The following PHACTR2 variants were observed in gnomAD, a reference collection of about 807,000 sequenced individuals.
PHACTR2 encodes phosphatase and actin regulator 2.
In PHACTR2, 30 loss-of-function variants were observed where a neutral mutation model predicts 76.0. The observed-to-expected ratio is 0.39, with a 90% CI of 0.30 to 0.54. The LOEUF (loss-of-function observed/expected upper bound fraction) is 0.54. Ranked by LOEUF, PHACTR2 falls within the 20% of genes least tolerant of loss-of-function variation. The probability of loss-of-function intolerance (pLI) is 0.61; values close to 1 mark genes in which losing one functional copy is unlikely to be tolerated. For missense variants in PHACTR2, 696 were observed against 781.1 expected (o/e 0.89, Z 1.30); for synonymous variants, 292 against 292.5 (o/e 1.00, Z 0.02).
intron 2 of PHACTR2, among the ~76,000 whole-genome samples, chr6:143,718,453 C>G (rs1160517938): frequency 6.6e-6 from 1 of 152,208 alleles, no homozygotes; most frequent in Non-Finnish European, 1.5e-5. Context: ...CCAGTACTTT[C>G]GACCATTCAC....
chr6:143,737,469 TTA>T (rs1778847539), intron 2 of PHACTR2, among the ~76,000 whole-genome samples: 1 of 152,006 alleles, frequency 6.6e-6, no homozygotes, highest in Admixed American at 6.6e-5. Context: ...AAATATTCTA[TTA>T]TATATAGTAT....
At chr6:143,690,721 T>C (rs529334921) in intron 1 of PHACTR2, among the ~76,000 whole-genome samples, 3 of 152,314 alleles carry the variant, frequency 2.0e-5, no homozygotes, top group Admixed American at 1.3e-4. Context: ...TCACACAAGA[T>C]CTCAACTTTG....
intron 1 of PHACTR2, among the ~76,000 whole-genome samples, chr6:143,643,193 T>A (rs1776597200): frequency 6.6e-6 from 1 of 152,322 alleles, no homozygotes; most frequent in South Asian, 2.1e-4. Context: ...AATGGGTCTT[T>A]TTTTTGCAAA....
intron 2 of PHACTR2, among the ~76,000 whole-genome samples, chr6:143,725,194 CTGTCTT>C (rs1778534197): frequency 7.5e-6 from 1 of 132,646 alleles, no homozygotes; most frequent in Non-Finnish European, 1.6e-5. Flanking sequence ...CTCCTTTGTG[CTGTCTT>C]TTTTTTTTTT....
At position 143,755,590 on chromosome 6, in the gene PHACTR2, A is replaced by G. The variant is rs1208636756; in HGVS notation, c.454+1678A>G. 3.3e-6 allele frequency: 1 copy of G among 302,040 alleles called. No individual in the cohort carries two copies. The highest frequency in any genetic ancestry group is 6.6e-6 in the Non-Finnish European group (1 of 152,452). The allele number at this position is 302,040 out of a possible 1,614,324, so 18.7% of individuals were successfully genotyped here. On this transcript the variant is annotated intron_variant, in intron 4 of 12. Coordinates refer to ENST00000440869, the MANE Select transcript of PHACTR2 (RefSeq NM_001100164.2). The surrounding 1 kb of genome is among the most constrained non-coding windows in gnomAD (Gnocchi z 5.2). ...GAGATGTTTTTCTTTGCTTAGAATTAGTACATTCAATTCTTCCTTATCTGA... is the reference window on the plus strand; with the variant it reads ...GAGATGTTTTTCTTTGCTTAGAATTGGTACATTCAATTCTTCCTTATCTGA...
At chr6:143,752,379 A>G (rs1056327930) in intron 3 of PHACTR2, among the ~76,000 whole-genome samples, 3 of 151,916 alleles carry the variant, frequency 2.0e-5, no homozygotes, top group Admixed American at 6.6e-5. Flanking sequence ...TCCTTTTTAT[A>G]GCTAATTTCT....
chr6:143,640,383 G>A (rs1048869244), intron 1 of PHACTR2, among the ~76,000 whole-genome samples: 2 of 152,250 alleles, frequency 1.3e-5, no homozygotes, highest in African/African-American at 4.8e-5. Flanking sequence ...AGTTAACCAG[G>A]TCACTCAGTC....
chr6:143,557,697 C>T lies in PHACTR2; in HGVS notation c.217+20490C>T, dbSNP rs971726734. 2.0e-5 allele frequency: 3 copies of T among 152,226 alleles called. No homozygotes were observed. Among genetic ancestry groups the T allele is most frequent in the Non-Finnish European group, 4.4e-5 (3 of 68,064 alleles). 9.4% of individuals were successfully genotyped at this position (152,226 alleles called of 1,614,324 possible). A position where few individuals can be genotyped will look rare whatever the true frequency, so the allele number is the denominator to read the frequency against. On this transcript the variant is annotated intron_variant, in intron 1 of 11. Coordinates refer to the PHACTR2 transcript ENST00000367584. This position sits in a 1 kb window ranked among gnomAD's most constrained non-coding sequence, Gnocchi z 5.5. ...GTCTTGTCGCGAGTCCTAGAGGCAA[C>T]CAGTTCCTTGCGTACCCCACCCTCC...
In PHACTR2 at chr6:143,544,410, C is replaced by T. The variant is rs76869727; in HGVS notation, c.217+7203C>T. 3.6e-3 allele frequency among the ~76,000 whole-genome samples: 543 copies of T among 152,294 alleles called. 3 individuals carry two copies. Among genetic ancestry groups the T allele is most frequent in the Middle Eastern group, 0.02 (6 of 294 alleles). ...GTATCACACCTTTCTCCCCCATACA[C>T]AGAATCTGGTTATTATCTGTGTAAT... On this transcript the variant is annotated intron_variant, in intron 1 of 11. Transcript: ENST00000367584.
chr6:143,688,438 C>A lies in PHACTR2; in HGVS notation c.46+10229C>A, dbSNP rs1386423309. Among the ~76,000 whole-genome samples the A allele has an allele frequency of 6.6e-6, 1 of 152,180 alleles. No homozygotes were observed. The highest frequency in any genetic ancestry group is 1.5e-5 in the Non-Finnish European group (1 of 68,040). On this transcript the variant is annotated intron_variant, in intron 1 of 12. Coordinates refer to ENST00000440869, the MANE Select transcript of PHACTR2 (RefSeq NM_001100164.2). The surrounding 1 kb of genome is among the most constrained non-coding windows in gnomAD (Gnocchi z 5.2). ...GCAACTCTGACCTTTCTCTGCACTG[C>A]AGGCTCAAATGTGCAACTCCCTATT... is the stretch of plus-strand genomic sequence containing the variant.
intron 12 of PHACTR2, among the ~76,000 whole-genome samples, chr6:143,814,844 C>T (rs1425514375): frequency 3.3e-5 from 5 of 152,158 alleles, no homozygotes; most frequent in African/African-American, 1.2e-4. Context: ...CCTCGTGATC[C>T]GCCCGCCTCG....
Position 143,551,698 on chromosome 6 carries a change from C to T in PHACTR2, c.217+14491C>T, listed in dbSNP as rs569112810. On this transcript the variant is annotated intron_variant, in intron 1 of 11. Transcript: ENST00000367584. ...CACCTTAGTATCAGAGTGTCGGTGG[C>T]GGCAATGATAATTATGAAGATGTTG... Among the ~76,000 whole-genome samples the T allele has an allele frequency of 3.3e-5, 5 of 151,906 alleles. No homozygotes were observed. In the South Asian group the frequency reaches 1.0e-3, roughly 32 times the overall value.
chr6:143,734,399 C>T (rs572843356), intron 2 of PHACTR2, among the ~76,000 whole-genome samples: 3 of 152,104 alleles, frequency 2.0e-5, no homozygotes, highest in Non-Finnish European at 2.9e-5. Context: ...TAATCCAAGC[C>T]GAGCTCTGGA....
At chr6:143,673,255 A>T (rs1777187884), upstream of PHACTR2, among the ~76,000 whole-genome samples, 1 of 152,214 alleles carries the variant, frequency 6.6e-6, no homozygotes, top group Non-Finnish European at 1.5e-5. Context: ...TTACAGTCAC[A>T]GACAGACTCG....
At chr6:143,650,988 A>T (rs1039720514) in intron 1 of PHACTR2, among the ~76,000 whole-genome samples, 2 of 151,476 alleles carry the variant, frequency 1.3e-5, no homozygotes, top group Non-Finnish European at 3.0e-5. Context: ...AAACAAATTT[A>T]CCAAAAAAAA....
chr6:143,819,054 T>G lies in PHACTR2; in HGVS notation c.1923-4620T>G, dbSNP rs1776360365. Among the ~76,000 whole-genome samples, 2 of 152,222 alleles carry G rather than the reference T, an allele frequency of 1.3e-5. No homozygotes were observed. Among genetic ancestry groups the G allele is most frequent in the Admixed American group, 1.3e-4 (2 of 15,278 alleles). On this transcript the variant is annotated intron_variant, in intron 12 of 12. Coordinates refer to ENST00000440869, the MANE Select transcript of PHACTR2 (RefSeq NM_001100164.2). The surrounding 1 kb of genome is among the most constrained non-coding windows in gnomAD (Gnocchi z 5.0). The stretch of plus-strand genomic sequence containing the variant: ...GTATACATTTACTTGTAATTAAGTT[T>G]AGGGGCTTCTGATTGGACTCCTCAG...
Position 143,553,917 on chromosome 6 carries a change from G to A in PHACTR2, c.217+16710G>A, listed in dbSNP as rs1320437871. Among the ~76,000 whole-genome samples the A allele has an allele frequency of 6.6e-6, 1 of 152,118 alleles. No homozygotes were observed. The highest frequency in any genetic ancestry group is 1.9e-4 in the East Asian group (1 of 5,182). On this transcript the variant is annotated intron_variant, in intron 1 of 11. Coordinates refer to the PHACTR2 transcript ENST00000367584. The surrounding 1 kb of genome is among the most constrained non-coding windows in gnomAD (Gnocchi z 4.2). ...GCATTTGAAGAAAGGCCTGAGAGAA[G>A]TTAAGGGGTGATCCTTCCAGGCAGA...
Position 143,624,298 on chromosome 6 carries a change from G to C in PHACTR2, c.13+15976G>C, listed in dbSNP as rs913722382. ...ATTTTTGTATTTTTAGGCGAGACAG[G>C]GTTTCCCCCTGTTGGCCAGGCTGGT... On this transcript the variant is annotated intron_variant, in intron 1 of 11. Coordinates refer to the PHACTR2 transcript ENST00000305766. The surrounding 1 kb of genome is among the most constrained non-coding windows in gnomAD (Gnocchi z 4.6). 6.6e-6 allele frequency among the ~76,000 whole-genome samples: 1 copy of C among 152,034 alleles called. No homozygotes were observed. The highest frequency in any genetic ancestry group is 2.4e-5 in the African/African-American group (1 of 41,376).
At chr6:143,670,987 G>A (rs1003573395) in intron 1 of PHACTR2, among the ~76,000 whole-genome samples, 3 of 151,256 alleles carry the variant, frequency 2.0e-5, no homozygotes, top group Non-Finnish European at 4.4e-5. Context: ...ACAGTGGCAC[G>A]ATCTCGACTC....
Sources: allele counts gnomAD v4.1 joint callset (sites outside exome capture counted in the v4.1 genomes callset), GRCh38; gene constraint gnomAD v4.1.1; non-coding constraint Gnocchi (gnomAD v3.1); transcripts MANE v1.5; gene names NCBI Gene and HGNC (gene_info 2026-07-23, HGNC 2026-07-21).